TMTC4: variants seen among roughly 807,000 people sequenced by gnomAD.
TMTC4 encodes the protein protein O-mannosyl-transferase TMTC4.
Under a neutral mutation model 86.0 loss-of-function variants are expected in TMTC4, and 65 were observed. That is an observed-to-expected ratio of 0.76 (90% CI 0.62 to 0.93). The LOEUF (loss-of-function observed/expected upper bound fraction) is 0.93. Ranked by LOEUF, TMTC4 falls within the 40% of genes least tolerant of loss-of-function variation. The pLI, the probability that TMTC4 is intolerant of heterozygous loss-of-function variation, is 0.00. For missense variants in TMTC4, 866 were observed against 948.1 expected (o/e 0.91, Z 1.14); for synonymous variants, 379 against 382.5 (o/e 0.99, Z 0.11).
intron 17 of TMTC4, among the ~76,000 whole-genome samples, chr13:100,611,788 C>T (rs1253185903): frequency 6.6e-6 from 1 of 152,182 alleles, no homozygotes; most frequent in Non-Finnish European, 1.5e-5. Flanking sequence ...TCCTGCTCCA[C>T]CCTGGCTGCC....
At chr13:100,661,229 C>T (rs1885737111) in intron 5 of TMTC4, among the ~76,000 whole-genome samples, 1 of 152,110 alleles carries the variant, frequency 6.6e-6, no homozygotes, top group Admixed American at 6.5e-5. Context: ...TGTGGACTTT[C>T]AAGATTACCA....
At chr13:100,644,081 TG>T (rs1199085781) in intron 6 of TMTC4, among the ~76,000 whole-genome samples, 3 of 149,642 alleles carry the variant, frequency 2.0e-5, no homozygotes, top group Admixed American at 2.0e-4. Flanking sequence ...CGTTCTGGCC[TG>T]GGGGTGGGAG....
chr13:100,644,770 G>A (rs1158710417), intron 6 of TMTC4, among the ~76,000 whole-genome samples: 3 of 152,126 alleles, frequency 2.0e-5, no homozygotes, highest in African/African-American at 7.2e-5. Context: ...TGATCGACAG[G>A]AAAGCCTCAT....
chr13:100,655,940 G>C (rs1479849739), intron 6 of TMTC4, among the ~76,000 whole-genome samples: 2 of 152,202 alleles, frequency 1.3e-5, no homozygotes, highest in Non-Finnish European at 2.9e-5. Flanking sequence ...AGTCTGGACA[G>C]GATGGGATGA....
intron 15 of TMTC4, among the ~76,000 whole-genome samples, chr13:100,617,288 C>T (rs978629332): frequency 2.0e-5 from 3 of 152,162 alleles, no homozygotes; most frequent in African/African-American, 7.2e-5. Flanking sequence ...GCACATACCA[C>T]GATGCCCAGC....
rs140060609 is a variant in TMTC4, at chr13:100,636,711, A to G, written c.1023T>C (p.Tyr341=). The part of the protein sequence containing the change: ...LVRAVNYNYY[Y]SLNAWLLLCP... Reference sequence around the variant, plus strand: ...ACAGCAGCAGCCAGGCATTCAATGAATAGTAGTAATTGTAGTTTACGGCCT... The same window carrying G: ...ACAGCAGCAGCCAGGCATTCAATGAGTAGTAGTAATTGTAGTTTACGGCCT... The change falls in exon 10 of 19, where the codon TAT becomes TAC. Residue 341 remains tyrosine (Y), a synonymous_variant. Transcript: ENST00000342624. 117 of 1,614,068 alleles carry G rather than the reference A, an allele frequency of 7.2e-5. No individual in the cohort carries two copies. Among genetic ancestry groups the G allele is most frequent in the Non-Finnish European group, 9.8e-5 (116 of 1,180,032 alleles).
At chr13:100,612,173 G>A (rs751596926) in intron 17 of TMTC4, among the ~76,000 whole-genome samples, 2 of 152,184 alleles carry the variant, frequency 1.3e-5, no homozygotes, top group South Asian at 2.1e-4. Flanking sequence ...CTCTCTCCAC[G>A]TGTGAACCAC....
chr13:100,634,797 C>T lies in TMTC4; in HGVS notation c.1506+8G>A, dbSNP rs769143156. The T allele has an allele frequency of 2.4e-5, 38 of 1,611,530 alleles. No homozygotes were observed. The highest frequency in any genetic ancestry group is 3.0e-5 in the Non-Finnish European group (35 of 1,179,204). Reference sequence around the variant, plus strand: ...GGTCCCTTTAAAAGAAATCTGGCAGCTAGGTACCTTAGCATTGAGGGGACA... The same window carrying T: ...GGTCCCTTTAAAAGAAATCTGGCAGTTAGGTACCTTAGCATTGAGGGGACA... On this transcript the variant is annotated splice_region_variant and intron_variant, in intron 12 of 18. Transcript: ENST00000342624.
At chr13:100,634,206 G>A (rs61969119) in intron 12 of TMTC4, among the ~76,000 whole-genome samples, 28,001 of 151,398 alleles carry the variant, frequency 0.18, 2,874 homozygotes, top group Admixed American at 0.24. Flanking sequence ...GCGGTTTGCT[G>A]ACTGAAACAC....
intron 15 of TMTC4, chr13:100,625,165 GTTACTT>G (rs1880263264): frequency 4.3e-6 from 1 of 230,220 alleles, no homozygotes; most frequent in Non-Finnish European, 8.7e-6. Context: ...CTACGGATTT[GTTACTT>G]TAATCTCTGT....
At chr13:100,642,059 A>C (rs1174830097) in intron 7 of TMTC4, 152 bp downstream of exon 7, 1 of 665,836 alleles carries the variant, frequency 1.5e-6, no homozygotes, top group Non-Finnish European at 2.5e-6. Context: ...GTGACAGCGA[A>C]AGCCATTTGT....
intron 15 of TMTC4, chr13:100,623,740 A>G (rs951835176): frequency 5.7e-6 from 1 of 176,886 alleles, no homozygotes; most frequent in Non-Finnish European, 1.2e-5. Flanking sequence ...ATTTTGAGTA[A>G]CTTGGTGCAG....
intron 5 of TMTC4, among the ~76,000 whole-genome samples, chr13:100,660,085 CT>C (rs1368133952): frequency 2.0e-5 from 3 of 151,624 alleles, no homozygotes; most frequent in African/African-American, 7.3e-5. Context: ...AATCCCAGCA[CT>C]TTGGGAGGCT....
intron 17 of TMTC4, among the ~76,000 whole-genome samples, chr13:100,609,050 T>A (rs562959095): frequency 4.6e-5 from 7 of 151,926 alleles, no homozygotes; most frequent in African/African-American, 1.7e-4. Flanking sequence ...ATAGGAAGGG[T>A]AACATGGGAG....
rs562525397 is a variant in TMTC4, at chr13:100,615,983, G to A, written c.1837-1553C>T. On this transcript the variant is annotated intron_variant, in intron 15 of 18. Coordinates refer to ENST00000342624, the MANE Select transcript of TMTC4 (RefSeq NM_032813.5). ...TAGCGCTCACTTATGAGAACATGTGGCATTTGGTTTTCTGTTCCTGGATTT... is the reference window on the plus strand; with the variant it reads ...TAGCGCTCACTTATGAGAACATGTGACATTTGGTTTTCTGTTCCTGGATTT... Among the ~76,000 whole-genome samples, 28 of 152,124 alleles carry A rather than the reference G, an allele frequency of 1.8e-4. No individual in the cohort carries two copies. In the East Asian group the frequency reaches 5.4e-3, roughly 29 times the overall value.
At chr13:100,647,529 A>G (rs117848071) in intron 6 of TMTC4, among the ~76,000 whole-genome samples, 3,232 of 152,300 alleles carry the variant, frequency 0.021, 55 homozygotes, top group Non-Finnish European at 0.034. Flanking sequence ...TCCCCAATGT[A>G]ACAGTCTCTG....
At position 100,664,307 on chromosome 13, in the gene TMTC4, G is replaced by A. The variant is rs1355710046; in HGVS notation, c.249C>T (p.Asp83=). ...TGCCCCAGAAGTCATGATGCCACAG[G>A]TCCCCCAGGGGCGTTTCTGCTTGGA... ...KDLQAETPLG[D]LWHHDFWGSR... The change falls in exon 4 of 19, where the codon GAC becomes GAT. Residue 83 remains aspartate (D), a synonymous_variant. Coordinates refer to ENST00000342624, the MANE Select transcript of TMTC4 (RefSeq NM_032813.5). 3.1e-6 allele frequency: 5 copies of A among 1,610,940 alleles called. No individual in the cohort carries two copies. In the African/African-American group the frequency reaches 5.4e-5, roughly 17 times the overall value.
At chr13:100,635,332 A>G (rs1002849336) in intron 10 of TMTC4, 137 bp from the exon 11 acceptor site, 22 of 992,520 alleles carry the variant, frequency 2.2e-5, no homozygotes, top group Non-Finnish European at 3.0e-5. Context: ...TTGTCAGCCA[A>G]AGGATATCAT....
chr13:100,615,463 G>C (rs1878335207), intron 15 of TMTC4, among the ~76,000 whole-genome samples: 1 of 149,788 alleles, frequency 6.7e-6, no homozygotes, highest in African/African-American at 2.5e-5. Context: ...TAGAAACAGA[G>C]TCTCGCTCTG....
Sources: gnomAD v4.1 joint callset for allele counts (sites outside exome capture counted in the v4.1 genomes callset) on GRCh38, gnomAD v4.1.1 for gene constraint, MANE v1.5 for transcripts, NCBI Gene and HGNC (gene_info 2026-07-23, HGNC 2026-07-21) for gene names.